The following AGK variants were observed in gnomAD, a reference collection of about 807,000 sequenced individuals.
AGK encodes acylglycerol kinase, mitochondrial.
Under a neutral mutation model 66.4 loss-of-function variants are expected in AGK, and 52 were observed. The observed-to-expected ratio is 0.78, with a 90% CI of 0.63 to 0.99. AGK has a LOEUF of 0.99. Ranked by LOEUF, AGK falls within the 50% of genes least tolerant of loss-of-function variation. The probability of loss-of-function intolerance (pLI) is 0.00; values close to 1 mark genes in which losing one functional copy is unlikely to be tolerated. For missense variants in AGK, 451 were observed against 506.6 expected (o/e 0.89, Z 1.05); for synonymous variants, 182 against 181.1 (o/e 1.00, Z -0.04).
chr7:141,567,006 T>C (rs2116867893), intron 2 of AGK, among the ~76,000 whole-genome samples: 1 of 152,254 alleles, frequency 6.6e-6, no homozygotes, highest in East Asian at 1.9e-4. Flanking sequence ...GAACCTGCTC[T>C]TGATGAGGTC....
At chr7:141,611,054 A>G (rs1796575586) in intron 5 of AGK, 141 bp from the exon 6 acceptor site, 4 of 537,840 alleles carry the variant, frequency 7.4e-6, no homozygotes, top group African/African-American at 3.9e-5. Context: ...TTTGATAGCT[A>G]TTTTTTTCAT....
intron 2 of AGK, among the ~76,000 whole-genome samples, chr7:141,565,437 G>A (rs753686330): frequency 2.8e-4 from 43 of 152,238 alleles, no homozygotes; most frequent in Admixed American, 1.9e-3. Context: ...GATCAACTAA[G>A]GTCAGGAGTT....
At chr7:141,610,914 G>A (rs1180591995) in intron 5 of AGK, among the ~76,000 whole-genome samples, 1 of 152,224 alleles carries the variant, frequency 6.6e-6, no homozygotes, top group Non-Finnish European at 1.5e-5. Flanking sequence ...TGATGCCCTT[G>A]ACTAGCTAGC....
At chr7:141,571,705 T>C (rs193009928) in intron 2 of AGK, among the ~76,000 whole-genome samples, 10 of 152,270 alleles carry the variant, frequency 6.6e-5, no homozygotes, top group Admixed American at 2.0e-4. Context: ...TAGAGCCCAA[T>C]AGTATGGATT....
intron 2 of AGK, among the ~76,000 whole-genome samples, chr7:141,557,965 A>G (rs906942337): frequency 3.3e-5 from 5 of 152,222 alleles, no homozygotes; most frequent in African/African-American, 9.6e-5. Context: ...TCATCTTGCA[A>G]AACTGAAACT....
chr7:141,561,168 G>A (rs1027142176), intron 2 of AGK, among the ~76,000 whole-genome samples: 4 of 152,154 alleles, frequency 2.6e-5, no homozygotes, highest in African/African-American at 9.7e-5. Flanking sequence ...GCCACTTGTT[G>A]GTTGATGGGC....
chr7:141,592,785 C>T (rs192373713), intron 2 of AGK, among the ~76,000 whole-genome samples: 17 of 152,108 alleles, frequency 1.1e-4, no homozygotes, highest in African/African-American at 3.9e-4. Flanking sequence ...CTCACTGCAA[C>T]CTCTGCCTCC....
At chr7:141,634,582 T>G (rs952330490) in intron 10 of AGK, among the ~76,000 whole-genome samples, 1 of 152,162 alleles carries the variant, frequency 6.6e-6, no homozygotes, top group African/African-American at 2.4e-5. Context: ...GCAATGAAAC[T>G]CTTGGCTTGG....
chr7:141,603,566 T>C (rs1014794431), intron 5 of AGK, among the ~76,000 whole-genome samples: 15 of 152,242 alleles, frequency 9.9e-5, no homozygotes, highest in African/African-American at 3.6e-4. Flanking sequence ...AGCAGGATAT[T>C]GTAAAGCCCA....
intron 11 of AGK, among the ~76,000 whole-genome samples, chr7:141,640,376 T>C (rs973213739): frequency 6.6e-6 from 1 of 152,116 alleles, no homozygotes; most frequent in African/African-American, 2.4e-5. Context: ...GATCCATGCA[T>C]TGGTCCTTCT....
At chr7:141,568,971 T>C (rs139133183) in intron 2 of AGK, among the ~76,000 whole-genome samples, 2,929 of 152,274 alleles carry the variant, frequency 0.019, 62 homozygotes, top group Middle Eastern at 0.071. Context: ...ATAAATTCCT[T>C]GACATTAAGC....
intron 11 of AGK, among the ~76,000 whole-genome samples, chr7:141,639,342 T>C (rs1197233664): frequency 6.6e-6 from 1 of 152,044 alleles, no homozygotes; most frequent in African/African-American, 2.4e-5. Flanking sequence ...GAGAGAAACA[T>C]GGGGTCAATA....
At chr7:141,557,719 T>G (rs888996081) in intron 2 of AGK, among the ~76,000 whole-genome samples, 1 of 152,248 alleles carries the variant, frequency 6.6e-6, no homozygotes, top group Admixed American at 6.5e-5. Flanking sequence ...CTCATTTTGC[T>G]CTGTCTTCAC....
chr7:141,568,887 T>C (rs952438793), intron 2 of AGK, among the ~76,000 whole-genome samples: 2 of 152,168 alleles, frequency 1.3e-5, no homozygotes, highest in Non-Finnish European at 2.9e-5. Context: ...CTCCCATTTA[T>C]TTCTATGGAG....
intron 5 of AGK, among the ~76,000 whole-genome samples, chr7:141,605,465 T>C (rs924187714): frequency 6.6e-6 from 1 of 152,208 alleles, no homozygotes; most frequent in Non-Finnish European, 1.5e-5. Flanking sequence ...CATTCAGATC[T>C]ACCTGGTTTA....
chr7:141,655,218 T>G lies in AGK; in HGVS notation c.*2294T>G, dbSNP rs1797667590. 6.6e-6 allele frequency: 1 copy of G among 152,264 alleles called. No individual in the cohort carries two copies. The allele number at this position is 152,264 out of a possible 1,614,324, so 9.4% of individuals were successfully genotyped here. ...AGCCACTTTAGAATCTTATTCATTT[T>G]TAAATATAAATATGCCTTGTTTCAA... On this transcript the variant is annotated 3_prime_UTR_variant, in exon 16 of 16. Transcript: ENST00000649286.
chr7:141,615,642 C>G (rs1455424714), intron 8 of AGK, 77 bp downstream of exon 8: 2 of 1,163,600 alleles, frequency 1.7e-6, no homozygotes, highest in East Asian at 4.7e-5. Context: ...TATGCTATAA[C>G]TTTCTTGAGT....
chr7:141,633,979 A>G lies in AGK; in HGVS notation c.667A>G (p.Lys223Glu). 6.2e-7 allele frequency: 1 copy of G among 1,612,940 alleles called. No homozygotes were observed. Among genetic ancestry groups the G allele is most frequent in the Non-Finnish European group, 8.5e-7 (1 of 1,178,896 alleles). ...CAGAGATGCTGGCGTCAAAGTTAGC[A>G]AGTAAAGGATTACTATATTGATGTG... is the stretch of plus-strand genomic sequence containing the variant. Reference protein sequence around the residue: ...SFRDAGVKVSKYWYLGPLKIK... With the variant: ...SFRDAGVKVSEYWYLGPLKIK... The change falls in exon 10 of 16, where the codon AAG (lysine) becomes GAG (glutamate). Residue 223 changes from lysine (K) to glutamate (E), a missense_variant and splice_region_variant. Coordinates refer to ENST00000649286, the MANE Select transcript of AGK (RefSeq NM_018238.4).
In AGK at chr7:141,652,476, C is replaced by CA. The variant is rs1361780908; in HGVS notation, c.1132-311_1132-310insA. On this transcript the variant is annotated intron_variant, in intron 15 of 15. Transcript: ENST00000649286. ...GAGTTCCTTAAGACATGGCAGGACC[C>CA]TTGCCTTTTAATACATATTTGAAAA... 1.7e-4 allele frequency: 38 copies of CA among 225,688 alleles called. No homozygotes were observed. The East Asian group carries it at 3.4e-3, about 20-fold the overall frequency. 14.0% of individuals were successfully genotyped at this position (225,688 alleles called of 1,614,324 possible). A position where few individuals can be genotyped will look rare whatever the true frequency, so the allele number is the denominator to read the frequency against.
Sources: allele counts gnomAD v4.1 joint callset (sites outside exome capture counted in the v4.1 genomes callset), GRCh38; gene constraint gnomAD v4.1.1; transcripts MANE v1.5; gene names NCBI Gene and HGNC (gene_info 2026-07-23, HGNC 2026-07-21).